Variants in HACE1 observed in about 807,000 individuals in gnomAD.
The protein encoded by HACE1 is E3 ubiquitin-protein ligase HACE1.
In HACE1, 73 loss-of-function variants were observed where a neutral mutation model predicts 118.4. The ratio of observed to expected loss-of-function variants is 0.62; its 90% CI spans 0.51 to 0.75. The LOEUF is 0.75. Ranked by LOEUF, HACE1 falls within the 30% of genes least tolerant of loss-of-function variation. The pLI, the probability that HACE1 is intolerant of heterozygous loss-of-function variation, is 0.00. For missense variants in HACE1, 749 were observed against 1,102.2 expected (o/e 0.68, Z 4.54); for synonymous variants, 368 against 374.8 (o/e 0.98, Z 0.21).
chr6:104,795,731 T>A, intron 9 of HACE1, 46 bp from the exon 10 acceptor site: 1 of 1,145,190 alleles, frequency 8.7e-7, no homozygotes, highest in Non-Finnish European at 1.3e-6. Flanking sequence ...AGTAATCCAT[T>A]AAATCTTATC....
At chr6:104,759,294 T>C (rs945515051) in intron 19 of HACE1, among the ~76,000 whole-genome samples, 2 of 152,234 alleles carry the variant, frequency 1.3e-5, no homozygotes, top group African/African-American at 4.8e-5. Context: ...ACCATATAAT[T>C]GGAAGTAAAA....
rs1769770951 is a variant in HACE1 at position 104,797,359 on chromosome 6, ACTTGAC to A, written c.618-340_618-335del. ...CTTCCTAATCCCTCTCTCCACCTTAACTTGACCATTTGCAACTTTAGCCTGACCTTC... is the reference window on the plus strand; with the variant it reads ...CTTCCTAATCCCTCTCTCCACCTTAACATTTGCAACTTTAGCCTGACCTTC... On this transcript the variant is annotated intron_variant, in intron 7 of 23. Coordinates refer to ENST00000262903, the MANE Select transcript of HACE1 (RefSeq NM_020771.4). 2.0e-5 allele frequency among the ~76,000 whole-genome samples: 3 copies of A among 151,422 alleles called. No individual in the cohort carries two copies. The South Asian group carries it at 6.3e-4, about 32-fold the overall frequency.
intron 20 of HACE1, among the ~76,000 whole-genome samples, chr6:104,745,047 A>C (rs1369401485): frequency 6.6e-6 from 1 of 152,200 alleles, no homozygotes; most frequent in African/African-American, 2.4e-5. Flanking sequence ...AAACAAGGGG[A>C]AAGTCATCAA....
At chr6:104,784,277 T>G (rs1782099355) in intron 13 of HACE1, 104 bp from the exon 14 acceptor site, 1 of 866,208 alleles carries the variant, frequency 1.2e-6, no homozygotes, top group Non-Finnish European at 2.0e-6. Context: ...AAACACATAA[T>G]AATCCATATC....
intron 22 of HACE1, among the ~76,000 whole-genome samples, chr6:104,737,973 G>A (rs1163405190): frequency 6.6e-6 from 1 of 152,212 alleles, no homozygotes; most frequent in Non-Finnish European, 1.5e-5. Flanking sequence ...TCACGCAGCT[G>A]GAGATCTGAG....
chr6:104,822,100 G>A (rs1772788834), intron 6 of HACE1, among the ~76,000 whole-genome samples: 1 of 150,966 alleles, frequency 6.6e-6, no homozygotes, highest in Admixed American at 6.6e-5. Context: ...CGGGCGCGGT[G>A]GCTCACACCT....
At chr6:104,820,604 A>C (rs968399643) in intron 6 of HACE1, among the ~76,000 whole-genome samples, 87 of 152,204 alleles carry the variant, frequency 5.7e-4, no homozygotes, top group African/African-American at 2.1e-3. Flanking sequence ...AACATCACTG[A>C]TCATTAGAGA....
chr6:104,838,122 T>C (rs1774728027), intron 5 of HACE1, among the ~76,000 whole-genome samples: 1 of 152,088 alleles, frequency 6.6e-6, no homozygotes, highest in South Asian at 2.1e-4. Context: ...TGTCAAAATG[T>C]CCATACTACT....
chr6:104,831,779 G>A (rs1414076571), intron 6 of HACE1, among the ~76,000 whole-genome samples: 1 of 151,360 alleles, frequency 6.6e-6, no homozygotes. Flanking sequence ...TGTAGTCCCA[G>A]CCACTCGGGA....
chr6:104,828,731 C>A (rs1773571547), intron 6 of HACE1, among the ~76,000 whole-genome samples: 2 of 152,006 alleles, frequency 1.3e-5, no homozygotes, highest in South Asian at 4.1e-4. Context: ...TCTAATGCAA[C>A]AGCTGCATCT....
At position 104,814,121 on chromosome 6, in the gene HACE1, A is replaced by C. The variant is rs180743466; in HGVS notation, c.535-2728T>G. Among the ~76,000 whole-genome samples, 96 of 138,176 alleles carry C rather than the reference A, an allele frequency of 6.9e-4. 14 individuals are homozygous for C. The East Asian group carries it at 0.02, about 29-fold the overall frequency. The allele number at this position is 138,176 out of a possible 152,430, so 90.6% of individuals were successfully genotyped here. On this transcript the variant is annotated intron_variant, in intron 6 of 23. Coordinates refer to ENST00000262903, the MANE Select transcript of HACE1 (RefSeq NM_020771.4). ...GGGAGACATACTGCAGAAAATAAGA[A>C]TAAAGAAAAGAAAGGGGGTGAGGGA...
chr6:104,842,075 T>C (rs1775167874), intron 5 of HACE1, among the ~76,000 whole-genome samples: 1 of 152,104 alleles, frequency 6.6e-6, no homozygotes, highest in Non-Finnish European at 1.5e-5. Flanking sequence ...GATGCAGAAG[T>C]GAAAGGATTG....
intron 19 of HACE1, among the ~76,000 whole-genome samples, chr6:104,756,973 G>A (rs190963341): frequency 2.7e-3 from 413 of 152,298 alleles, no homozygotes; most frequent in African/African-American, 8.9e-3. Context: ...GACCTGGGTC[G>A]CTGGACCTTG....
chr6:104,784,139 G>C lies in HACE1; in HGVS notation c.1513C>G (p.Leu505Val). Residue 505 changes from leucine to valine, a missense_variant, in exon 14 of 24, where the codon CTC becomes GTC. By Grantham distance (32) the Leu-to-Val change is conservative. Transcript: ENST00000262903. ...PKIIFDHFHF[L>V]LECPELMSRF... ...GACATCAACTCAGGACATTCAAGGA[G>C]AAAGTGAAAGTGGTCAAATATAATT... 6.3e-7 allele frequency: 1 copy of C among 1,597,444 alleles called. No homozygotes were observed. The highest frequency in any genetic ancestry group is 8.6e-7 in the Non-Finnish European group (1 of 1,165,046).
chr6:104,776,720 C>A, intron 17 of HACE1, 21 bp downstream of exon 17: 1 of 1,419,066 alleles, frequency 7.0e-7, no homozygotes, highest in South Asian at 1.1e-5. Context: ...CAGAAAAAGT[C>A]ATCTAGACTG....
At chr6:104,777,458 T>C (rs1781337009) in intron 14 of HACE1, 141 bp from the exon 15 acceptor site, 1 of 670,506 alleles carries the variant, frequency 1.5e-6, no homozygotes, top group Non-Finnish European at 2.7e-6. Context: ...GGATAATGTT[T>C]GAACATTTCA....
chr6:104,842,210 G>A (rs1775183100), intron 5 of HACE1: 1 of 152,250 alleles, frequency 6.6e-6, no homozygotes. Flanking sequence ...TTGGAAGGAT[G>A]ATGCTGGATG....
chr6:104,782,176 T>C (rs1164390186), intron 14 of HACE1, among the ~76,000 whole-genome samples: 1 of 152,164 alleles, frequency 6.6e-6, no homozygotes, highest in Non-Finnish European at 1.5e-5. Flanking sequence ...CAGAACAGTA[T>C]CATACAGTGT....
At chr6:104,800,146 C>A (rs1437603982) in intron 7 of HACE1, among the ~76,000 whole-genome samples, 1 of 152,136 alleles carries the variant, frequency 6.6e-6, no homozygotes, top group East Asian at 1.9e-4. Context: ...AGGCTGCATG[C>A]AGCCTGGCGG....
Sources: gnomAD v4.1 joint callset for allele counts (sites outside exome capture counted in the v4.1 genomes callset) on GRCh38, gnomAD v4.1.1 for gene constraint, MANE v1.5 for transcripts, NCBI Gene and HGNC (gene_info 2026-07-23, HGNC 2026-07-21) for gene names.